The following CUZD1 variants were observed in gnomAD, a reference collection of about 807,000 sequenced individuals.
The protein encoded by CUZD1 is CUB and zona pellucida like domains 1, also known as CUB and zona pellucida-like domain-containing protein 1.
A neutral mutation model predicts 53.1 loss-of-function variants in CUZD1; 42 were observed. The observed-to-expected ratio is 0.79, with a 90% CI of 0.62 to 1.02. The LOEUF (loss-of-function observed/expected upper bound fraction) is 1.02, where lower values mean the gene tolerates loss of function less well. Ranked by LOEUF, CUZD1 falls within the 50% of genes least tolerant of loss-of-function variation. The pLI, the probability that CUZD1 is intolerant of heterozygous loss-of-function variation, is 0.00. For missense variants in CUZD1, 670 were observed against 715.7 expected, an observed-to-expected ratio of 0.94 and a Z score of 0.73; for synonymous variants, 238 against 257.2, an observed-to-expected ratio of 0.93 and a Z score of 0.71.
chr10:122,834,637 A>T (rs11248321), intron 7 of CUZD1, 69 bp downstream of exon 7: 3 of 1,332,988 alleles, frequency 2.3e-6, no homozygotes, highest in Non-Finnish European at 3.0e-6. Context: ...AACACAAAAA[A>T]TTACTTTATT....
intron 2 of CUZD1, among the ~76,000 whole-genome samples, chr10:122,839,929 T>C (rs1251111181): frequency 1.3e-5 from 2 of 152,252 alleles, no homozygotes; most frequent in South Asian, 2.1e-4. Flanking sequence ...TTGGCTTCAG[T>C]TTTCTCATCT....
intron 7 of CUZD1, among the ~76,000 whole-genome samples, chr10:122,834,215 A>G (rs993968538): frequency 1.3e-5 from 2 of 152,248 alleles, no homozygotes; most frequent in African/African-American, 2.4e-5. Flanking sequence ...GCTTATCATT[A>G]ATGTATCAGT....
chr10:122,834,924 A>G lies in CUZD1; in HGVS notation c.1164T>C (p.Asn388=). The change falls in exon 7 of 9, where the codon AAT becomes AAC. Residue 388 remains asparagine (N), a synonymous_variant. Coordinates refer to ENST00000392790, the MANE Select transcript of CUZD1 (RefSeq NM_022034.6). ...TGCTGGTGTTATATTTGCCCAGTGC[A>G]TTTTGACTTTGTATTACATCATCTT... is the stretch of plus-strand genomic sequence containing the variant. ...ITEDDVIQSQ[N]ALGKYNTSMA... 6.2e-7 allele frequency: 1 copy of G among 1,613,626 alleles called. No individual in the cohort carries two copies. Among genetic ancestry groups the G allele is most frequent in the Admixed American group, 1.7e-5 (1 of 60,002 alleles).
rs1327590386 is a variant in CUZD1, at chr10:122,834,711, C to G, written c.1377G>C (p.Lys459Asn). 8.8e-6 allele frequency: 14 copies of G among 1,595,894 alleles called. No homozygotes were observed. The highest frequency in any genetic ancestry group is 1.2e-5 in the Non-Finnish European group (14 of 1,170,604). ...TCAGTTACATTAATACATACCCACT[C>G]TTGATTAGGTCGTAGGTTGGAGATG... ...DFASPTYDLI[K>N]SGCSRDETCK... is the part of the protein sequence containing the mutation. The change falls in exon 7 of 9, where the codon AAG (lysine) becomes AAC (asparagine). Residue 459 changes from lysine (K) to asparagine (N), a missense_variant. Physicochemically the swap from Lys to Asn is moderately conservative, Grantham distance 94 (BLOSUM62 0). Coordinates refer to ENST00000392790, the MANE Select transcript of CUZD1 (RefSeq NM_022034.6).
chr10:122,834,646 T>C, intron 7 of CUZD1, 60 bp downstream of exon 7: 1 of 1,389,972 alleles, frequency 7.2e-7, no homozygotes, highest in Admixed American at 2.5e-5. Flanking sequence ...AATTACTTTA[T>C]TGAAATTATT....
chr10:122,835,130 T>A (rs780966581), intron 6 of CUZD1, 33 bp from the exon 7 acceptor site: 1 of 1,481,188 alleles, frequency 6.8e-7, no homozygotes. Context: ...ATTTTTATAT[T>A]TTAAGTCCAG....
rs529300048 is a variant in CUZD1 at position 122,834,570 on chromosome 10, G to T, written c.1382+136C>A. 4.1e-4 allele frequency: 225 copies of T among 545,452 alleles called. No individual in the cohort carries two copies. The Middle Eastern group carries it at 7.6e-3, about 18-fold the overall frequency. 33.8% of individuals were successfully genotyped at this position (545,452 alleles called of 1,614,324 possible). A position where few individuals can be genotyped will look rare whatever the true frequency, so the allele number is the denominator to read the frequency against. On this transcript the variant is annotated intron_variant, in intron 7 of 8. Coordinates refer to ENST00000392790, the MANE Select transcript of CUZD1 (RefSeq NM_022034.6). Reference sequence around the variant, plus strand: ...GTACATAGTAACTATTTTATAAAATGATTAGAATAAATGTAATGAAATTTC... The same window carrying T: ...GTACATAGTAACTATTTTATAAAATTATTAGAATAAATGTAATGAAATTTC...
chr10:122,834,950 CT>C lies in CUZD1; in HGVS notation c.1137del (p.Glu380LysfsTer4). ...HNSTVEIIYI[T>X]EDDVIQSQNA... ...TTTTGACTTTGTATTACATCATCTTCTGTTATGTATATTATCTCCACTGTAG... is the reference window on the plus strand; with the variant it reads ...TTTTGACTTTGTATTACATCATCTTCGTTATGTATATTATCTCCACTGTAG... On this transcript the variant is annotated frameshift_variant, in exon 7 of 9. Coordinates refer to ENST00000392790, the MANE Select transcript of CUZD1 (RefSeq NM_022034.6). LOFTEE classifies it high-confidence loss of function. 1 of 1,613,698 alleles carries C rather than the reference CT, an allele frequency of 6.2e-7. No individual in the cohort carries two copies. Among genetic ancestry groups the C allele is most frequent in the Non-Finnish European group, 8.5e-7 (1 of 1,179,732 alleles).
chr10:122,835,097 C>A lies in CUZD1; in HGVS notation c.991G>T (p.Val331Leu). Reference protein sequence around the residue: ...PLNGCGTIRKVEDQSITYTNI... With the variant: ...PLNGCGTIRKLEDQSITYTNI... ...GTGTAAGTAATTGACTGATCTTCTACCTGCAGAACGAGATAGAATTCAATT... is the reference window on the plus strand; with the variant it reads ...GTGTAAGTAATTGACTGATCTTCTAACTGCAGAACGAGATAGAATTCAATT... Residue 331 changes from valine to leucine, a missense_variant and splice_region_variant, in exon 7 of 9, where the codon GTA becomes TTA. Physicochemically the swap from Val to Leu is conservative, Grantham distance 32 (BLOSUM62 1). Coordinates refer to ENST00000392790, the MANE Select transcript of CUZD1 (RefSeq NM_022034.6). The A allele has an allele frequency of 5.8e-6, 9 of 1,547,840 alleles. No individual in the cohort carries two copies. Among genetic ancestry groups the A allele is most frequent in the Non-Finnish European group, 7.0e-6 (8 of 1,147,542 alleles).
intron 2 of CUZD1, among the ~76,000 whole-genome samples, chr10:122,839,633 T>TAGCC (rs1451508303): frequency 6.6e-6 from 1 of 152,208 alleles, no homozygotes; most frequent in Non-Finnish European, 1.5e-5. Flanking sequence ...TCTTCTTCCA[T>TAGCC]AGCCACCTTT....
Position 122,839,134 on chromosome 10 carries a change from C to T in CUZD1, c.331G>A (p.Asp111Asn), listed in dbSNP as rs143659470. ...PLLGQVCSKN[D>N]YVPVFESSSS... ...GATGATTCAAATACAGGAACATAGTCGTTTTTACTGCAGACTTGCCCTAGC... is the reference window on the plus strand; with the variant it reads ...GATGATTCAAATACAGGAACATAGTTGTTTTTACTGCAGACTTGCCCTAGC... Residue 111 changes from aspartate (D) to asparagine (N), a missense_variant, in exon 3 of 9, where the codon GAC becomes AAC. Coordinates refer to ENST00000392790, the MANE Select transcript of CUZD1 (RefSeq NM_022034.6). 25 of 1,614,094 alleles carry T rather than the reference C, an allele frequency of 1.5e-5. No individual in the cohort carries two copies. Among genetic ancestry groups the T allele is most frequent in the East Asian group, 1.3e-4 (6 of 44,886 alleles).
chr10:122,837,087 C>A (rs1847265762), intron 4 of CUZD1, 39 bp from the exon 5 acceptor site: 1 of 1,397,994 alleles, frequency 7.2e-7, no homozygotes, highest in Non-Finnish European at 9.9e-7. Context: ...GAGTTTCAAA[C>A]CAATTCAATT....
At position 122,833,759 on chromosome 10, in the gene CUZD1, G is replaced by A. The variant is rs569019809; in HGVS notation, c.1564C>T (p.Arg522Ter). 1.6e-5 allele frequency: 26 copies of A among 1,613,904 alleles called. No homozygotes were observed. Among genetic ancestry groups the A allele is most frequent in the Admixed American group, 1.0e-4 (6 of 60,010 alleles). Residue 522 changes from arginine (R) to a stop codon, truncating the protein, a stop_gained, in exon 8 of 9, where the codon CGA becomes TGA. Transcript: ENST00000392790. LOFTEE classifies it high-confidence loss of function. ...TTCCATTTATATGAAGAAATGTCTC[G>A]TTTGCTTCTGGAGACACAACCTTGA... ...CNQGCVSRSK[R>*]DISSYKWKTD...
rs1847334392 is a variant in CUZD1 at position 122,841,114 on chromosome 10, C to T, written c.233+64G>A. On this transcript the variant is annotated intron_variant, in intron 2 of 8. Transcript: ENST00000392790. Reference sequence around the variant, plus strand: ...CTGAATTCTTTCTACAGAGAGTCCCCCTACCCACCCCAATGTGGTCAGAGT... The same window carrying T: ...CTGAATTCTTTCTACAGAGAGTCCCTCTACCCACCCCAATGTGGTCAGAGT... 5 of 1,483,538 alleles carry T rather than the reference C, an allele frequency of 3.4e-6. No individual in the cohort carries two copies. The South Asian group carries it at 5.3e-5, about 16-fold the overall frequency. The allele number at this position is 1,483,538 out of a possible 1,614,324, so 91.9% of individuals were successfully genotyped here.
chr10:122,844,179 C>T (rs554788542), intron 1 of CUZD1, among the ~76,000 whole-genome samples: 1 of 151,718 alleles, frequency 6.6e-6, no homozygotes, highest in African/African-American at 2.4e-5. Context: ...CAGTCATGTA[C>T]CACCATGCCT....
rs1425781484 is a variant in CUZD1, at chr10:122,836,160, A to C, written c.990+18T>G. On this transcript the variant is annotated intron_variant, in intron 6 of 8. Coordinates refer to ENST00000392790, the MANE Select transcript of CUZD1 (RefSeq NM_022034.6). Reference sequence around the variant, plus strand: ...ACTCAGCATTTGACAAAATCCAGCTATCAGTATTTCACTTTACCTTTCTGA... The same window carrying C: ...ACTCAGCATTTGACAAAATCCAGCTCTCAGTATTTCACTTTACCTTTCTGA... 1 of 1,585,586 alleles carries C rather than the reference A, an allele frequency of 6.3e-7. No homozygotes were observed. The highest frequency in any genetic ancestry group is 1.2e-5 in the South Asian group (1 of 85,522).
chr10:122,842,447 C>T (rs1847360324), intron 1 of CUZD1, among the ~76,000 whole-genome samples: 1 of 151,900 alleles, frequency 6.6e-6, no homozygotes, highest in Non-Finnish European at 1.5e-5. Context: ...GGATCTATTT[C>T]TGAACTCTAT....
Position 122,834,839 on chromosome 10 carries a change from C to A in CUZD1, c.1249G>T (p.Asp417Tyr), listed in dbSNP as rs200686197. Reference protein sequence around the residue: ...KTILESPYYVDLNQTLFVQVS... With the variant: ...KTILESPYYVYLNQTLFVQVS... ...TGAACAAAAAGAGTTTGGTTCAAATCCACATAATATGGTGATTCAAGTATA... is the reference window on the plus strand; with the variant it reads ...TGAACAAAAAGAGTTTGGTTCAAATACACATAATATGGTGATTCAAGTATA... The change falls in exon 7 of 9, where the codon GAT becomes TAT. Residue 417 changes from aspartate to tyrosine, a missense_variant. Asp to Tyr is a radical substitution (Grantham distance 160, BLOSUM62 -3). Transcript: ENST00000392790. The A allele has an allele frequency of 2.1e-5, 34 of 1,613,730 alleles. No homozygotes were observed. Among genetic ancestry groups the A allele is most frequent in the Non-Finnish European group, 2.6e-5 (31 of 1,179,854 alleles).
At chr10:122,832,776 C>T (rs1031954109) in intron 8 of CUZD1, among the ~76,000 whole-genome samples, 11 of 151,710 alleles carry the variant, frequency 7.3e-5, no homozygotes, top group Admixed American at 6.6e-4. Flanking sequence ...TGCCAAAATA[C>T]ATTTTGTCAA....
Sources: allele counts gnomAD v4.1 joint callset (sites outside exome capture counted in the v4.1 genomes callset), GRCh38; gene constraint gnomAD v4.1.1; transcripts MANE v1.5; gene names NCBI Gene and HGNC (gene_info 2026-07-23, HGNC 2026-07-21).